The following ERBB4 variants were observed in gnomAD, a reference collection of about 807,000 sequenced individuals.
ERBB4 encodes the protein erb-b2 receptor tyrosine kinase 4.
In ERBB4, 42 loss-of-function variants were observed where a neutral mutation model predicts 158.0. The observed-to-expected ratio is 0.27, with a 90% CI of 0.21 to 0.34. The LOEUF is 0.34. ERBB4 is among the 10% of genes least tolerant of loss of function. The pLI is 1.00. For missense variants in ERBB4, 1,333 were observed against 1,624.1 expected, an observed-to-expected ratio of 0.82 and a Z score of 3.08; for synonymous variants, 583 against 558.7, an observed-to-expected ratio of 1.04 and a Z score of -0.61.
At chr2:212,115,584 T>C (rs532851686) in intron 2 of ERBB4, among the ~76,000 whole-genome samples, 25 of 152,216 alleles carry the variant, frequency 1.6e-4, no homozygotes, top group Non-Finnish European at 2.4e-4. Context: ...GAAATAACTT[T>C]TACATGCTCA....
At chr2:211,485,003 G>A (rs927118735) in intron 20 of ERBB4, among the ~76,000 whole-genome samples, 4 of 152,126 alleles carry the variant, frequency 2.6e-5, no homozygotes, top group Non-Finnish European at 4.4e-5. Flanking sequence ...AGTGAACATA[G>A]TCTGAAGCTA....
chr2:212,527,972 C>G (rs904453874), intron 1 of ERBB4, among the ~76,000 whole-genome samples: 2 of 149,696 alleles, frequency 1.3e-5, no homozygotes, highest in African/African-American at 4.9e-5. Context: ...TTTGTCCTTG[C>G]GACAGTTTAC....
rs573893852 is a variant in ERBB4, at chr2:212,197,267, T to C, written c.83-72364A>G. ...TATTATACAATAAAACTTATGAAGA[T>C]TCGCAATAAGTGGGAACAATAAAGA... On this transcript the variant is annotated intron_variant, in intron 1 of 27. Transcript: ENST00000342788. 3.2e-4 allele frequency among the ~76,000 whole-genome samples: 49 copies of C among 152,290 alleles called. No individual in the cohort carries two copies. The South Asian group carries it at 9.5e-3, about 30-fold the overall frequency.
chr2:211,790,104 G>C (rs2076247823), intron 3 of ERBB4, among the ~76,000 whole-genome samples: 1 of 152,042 alleles, frequency 6.6e-6, no homozygotes, highest in South Asian at 2.1e-4. Flanking sequence ...TAAGACGTAA[G>C]AAAGATTGTG....
At chr2:211,709,131 T>A (rs565819872) in intron 9 of ERBB4, among the ~76,000 whole-genome samples, 1 of 151,968 alleles carries the variant, frequency 6.6e-6, no homozygotes, top group East Asian at 1.9e-4. Flanking sequence ...TACTGCCTGA[T>A]GCATTTTTAT....
chr2:211,427,055 T>TAAAC (rs1490021901), intron 22 of ERBB4, among the ~76,000 whole-genome samples: 14 of 152,042 alleles, frequency 9.2e-5, no homozygotes, highest in Admixed American at 9.2e-4. Flanking sequence ...CTGAGTAAAA[T>TAAAC]AAACACATGA....
At chr2:211,819,560 T>C (rs910750548) in intron 3 of ERBB4, among the ~76,000 whole-genome samples, 2 of 152,058 alleles carry the variant, frequency 1.3e-5, no homozygotes, top group Non-Finnish European at 2.9e-5. Flanking sequence ...TATTTCTGCA[T>C]CTTTAGAGTA....
intron 4 of ERBB4, among the ~76,000 whole-genome samples, chr2:211,766,492 G>A (rs2075552723): frequency 6.6e-6 from 1 of 152,192 alleles, no homozygotes; most frequent in Non-Finnish European, 1.5e-5. Flanking sequence ...CTGAATGTCT[G>A]CACATGTTTT....
chr2:211,649,938 C>T (rs184233768), intron 16 of ERBB4, among the ~76,000 whole-genome samples: 13 of 151,976 alleles, frequency 8.6e-5, no homozygotes, highest in Admixed American at 1.3e-4. Context: ...CTAATTAGCT[C>T]CTGCCTATAT....
intron 1 of ERBB4, among the ~76,000 whole-genome samples, chr2:212,427,976 T>C (rs2091950651): frequency 6.6e-6 from 1 of 152,148 alleles, no homozygotes; most frequent in Admixed American, 6.6e-5. Context: ...TTGACAGACT[T>C]TCAGAAATAC....
chr2:211,979,201 A>G (rs2081720239), intron 2 of ERBB4, among the ~76,000 whole-genome samples: 1 of 152,210 alleles, frequency 6.6e-6, no homozygotes, highest in Non-Finnish European at 1.5e-5. Context: ...TTATGTTTAT[A>G]CAAAGGGGAA....
At chr2:211,544,804 C>G (rs966270375) in intron 20 of ERBB4, among the ~76,000 whole-genome samples, 1 of 151,990 alleles carries the variant, frequency 6.6e-6, no homozygotes, top group African/African-American at 2.4e-5. Flanking sequence ...AGTTTTATTA[C>G]TACAAGATTG....
intron 4 of ERBB4, among the ~76,000 whole-genome samples, chr2:211,754,931 C>T (rs2075253812): frequency 6.6e-6 from 1 of 152,118 alleles, no homozygotes; most frequent in Non-Finnish European, 1.5e-5. Flanking sequence ...GAACTCCTGA[C>T]CTCAGGTGAT....
intron 1 of ERBB4, among the ~76,000 whole-genome samples, chr2:212,332,295 C>T (rs747337486): frequency 6.6e-6 from 1 of 152,010 alleles, no homozygotes; most frequent in Non-Finnish European, 1.5e-5. Flanking sequence ...GGAAGAAGTG[C>T]CTTTTGCCTT....
intron 1 of ERBB4, among the ~76,000 whole-genome samples, chr2:212,465,109 A>AGCCCAGGAG (rs930793006): frequency 1.3e-5 from 2 of 152,170 alleles, no homozygotes; most frequent in African/African-American, 4.8e-5. Flanking sequence ...TTGAAGAATT[A>AGCCCAGGAG]GCCCAGGAGG....
chr2:211,712,291 T>C, intron 8 of ERBB4, 115 bp from the exon 9 acceptor site: 5 of 1,045,996 alleles, frequency 4.8e-6, no homozygotes, highest in African/African-American at 1.6e-5. Context: ...ATAAAATATA[T>C]TACAAATTTT....
In ERBB4 at chr2:211,400,677, C is replaced by CA. The variant is rs35870826; in HGVS notation, c.3136-12686dup. ...AGGAAGTGGGGATGGTTAATGGGTA[C>CA]AAAAAAAAAATAGAGTAAATAAGAT... On this transcript the variant is annotated intron_variant, in intron 25 of 27. Transcript: ENST00000342788. Among the ~76,000 whole-genome samples the CA allele has an allele frequency of 2.3e-3, 284 of 122,750 alleles. 2 individuals carry two copies. The highest frequency in any genetic ancestry group is 5.9e-3 in the African/African-American group (192 of 32,808). The allele number at this position is 122,750 out of a possible 152,430, so 80.5% of individuals were successfully genotyped here. A position where few individuals can be genotyped will look rare whatever the true frequency, so the allele number is the denominator to read the frequency against.
chr2:212,083,266 A>G (rs1009552963), intron 2 of ERBB4, among the ~76,000 whole-genome samples: 1 of 151,996 alleles, frequency 6.6e-6, no homozygotes, highest in African/African-American at 2.4e-5. Context: ...GTTTCATAAA[A>G]TCTGTCTTAC....
intron 19 of ERBB4, among the ~76,000 whole-genome samples, chr2:211,603,546 G>A (rs555207477): frequency 6.6e-6 from 1 of 152,082 alleles, no homozygotes; most frequent in African/African-American, 2.4e-5. Context: ...CATTTCTTTT[G>A]GTCTCTGGTT....
Sources: gnomAD v4.1 joint callset for allele counts (sites outside exome capture counted in the v4.1 genomes callset) on GRCh38, gnomAD v4.1.1 for gene constraint, MANE v1.5 for transcripts, NCBI Gene and HGNC (gene_info 2026-07-23, HGNC 2026-07-21) for gene names.